Variants in MRS2 observed in about 807,000 individuals in gnomAD.
MRS2 encodes magnesium transporter MRS2 homolog, mitochondrial.
A neutral mutation model predicts 52.6 loss-of-function variants in MRS2; 40 were observed. The ratio of observed to expected loss-of-function variants is 0.76; its 90% confidence interval spans 0.59 to 0.99. MRS2 has a LOEUF of 0.99. MRS2 is among the 50% of genes least tolerant of loss of function. The pLI is 0.00. For synonymous variants in MRS2, 193 were observed against 195.9 expected (o/e 0.98, Z 0.13); for missense variants, 472 against 532.7 (o/e 0.89, Z 1.12).
chr6:24,420,559 A>G (rs1762010979), intron 9 of MRS2, among the ~76,000 whole-genome samples: 1 of 152,196 alleles, frequency 6.6e-6, no homozygotes, highest in Non-Finnish European at 1.5e-5. Flanking sequence ...CGTAGGTTAT[A>G]TTGTAGTGGA....
chr6:24,413,183 C>T (rs905822284), intron 5 of MRS2, among the ~76,000 whole-genome samples: 1 of 151,966 alleles, frequency 6.6e-6, no homozygotes, highest in East Asian at 1.9e-4. Context: ...GTCATGGGCT[C>T]CACAGGCTGG....
rs765137679 is a variant in MRS2 at position 24,418,213 on chromosome 6, T to A, written c.966T>A (p.Ser322Arg). ...ELRVLIDDSQ[S>R]IIFINLDSHR... ...GGGTGCTGATTGATGATTCACAAAG[T>A]ATTATTTTCATTAATCTGGACAGGT... The change falls in exon 8 of 11, where the codon AGT (serine) becomes AGA (arginine). Residue 322 changes from serine (S) to arginine (R), a missense_variant. Ser to Arg is a moderately radical substitution (Grantham distance 110). Transcript: ENST00000378386. The A allele has an allele frequency of 3.7e-6, 6 of 1,611,128 alleles. No homozygotes were observed. Among genetic ancestry groups the A allele is most frequent in the Non-Finnish European group, 4.2e-6 (5 of 1,178,938 alleles).
rs899948199 is a variant in MRS2 at position 24,424,554 on chromosome 6, GTGATATCTTC to G, written c.*862_*871del. 6.6e-6 allele frequency: 1 copy of G among 152,192 alleles called. No individual in the cohort carries two copies. The highest frequency in any genetic ancestry group is 2.4e-5 in the African/African-American group (1 of 41,456). 9.4% of individuals were successfully genotyped at this position (152,192 alleles called of 1,614,324 possible). ...ATGAGGATGAATAAATGTTAGAACT[GTGATATCTTC>G]TCATTTCCACAGAGATTTGGGTTTA... is the stretch of plus-strand genomic sequence containing the variant. On this transcript the variant is annotated 3_prime_UTR_variant, in exon 11 of 11. Transcript: ENST00000378386.
At chr6:24,406,613 A>C (rs1383527728) in intron 2 of MRS2, among the ~76,000 whole-genome samples, 1 of 152,106 alleles carries the variant, frequency 6.6e-6, no homozygotes, top group Non-Finnish European at 1.5e-5. Context: ...GTCTCTACTA[A>C]AAAACAAAAA....
At position 24,423,786 on chromosome 6, in the gene MRS2, C is replaced by T. The variant is rs1762137475; in HGVS notation, c.*92C>T. 4 of 517,176 alleles carry T rather than the reference C, an allele frequency of 7.7e-6. No homozygotes were observed. The highest frequency in any genetic ancestry group is 1.3e-5 in the Non-Finnish European group (4 of 302,022). 32.0% of individuals were successfully genotyped at this position (517,176 alleles called of 1,614,324 possible). On this transcript the variant is annotated 3_prime_UTR_variant, in exon 11 of 11. Coordinates refer to ENST00000378386, the MANE Select transcript of MRS2 (RefSeq NM_020662.4). ...TTATTTTCTTGTATAGAGTCAGACA[C>T]TTGAAAAAAACTAATGTTTGAAGAC...
chr6:24,405,473 A>G (rs1388499442), intron 2 of MRS2, among the ~76,000 whole-genome samples: 1 of 152,202 alleles, frequency 6.6e-6, no homozygotes, highest in African/African-American at 2.4e-5. Context: ...GAACAGGTCA[A>G]TCACAATTCA....
chr6:24,403,300 C>T (rs1761348864), intron 1 of MRS2, 64 bp downstream of exon 1: 3 of 1,421,632 alleles, frequency 2.1e-6, no homozygotes, highest in Non-Finnish European at 2.8e-6. Flanking sequence ...GACTGCTGCC[C>T]CAGCCGTCCG....
intron 3 of MRS2, among the ~76,000 whole-genome samples, chr6:24,409,098 T>C (rs534094754): frequency 3.9e-5 from 6 of 152,146 alleles, no homozygotes; most frequent in Non-Finnish European, 7.4e-5. Flanking sequence ...ATACTGAAGA[T>C]GATGTTGTAG....
chr6:24,415,099 G>T lies in MRS2; in HGVS notation c.655G>T (p.Val219Leu). The T allele has an allele frequency of 1.2e-6, 2 of 1,611,904 alleles. No homozygotes were observed. Among genetic ancestry groups the T allele is most frequent in the East Asian group, 2.2e-5 (1 of 44,842 alleles). Reference sequence around the variant, plus strand: ...GATCCTTGAGACCTTGGATGCTTTGGTGGACCCCAAACATTCTTCTGTAGA... The same window carrying T: ...GATCCTTGAGACCTTGGATGCTTTGTTGGACCCCAAACATTCTTCTGTAGA... ...PLILETLDAL[V>L]DPKHSSVDRS... Residue 219 changes from valine to leucine, a missense_variant, in exon 6 of 11, where the codon GTG becomes TTG. Transcript: ENST00000378386.
At chr6:24,415,615 A>T (rs1383669899) in intron 6 of MRS2, among the ~76,000 whole-genome samples, 1 of 152,234 alleles carries the variant, frequency 6.6e-6, no homozygotes, top group African/African-American at 2.4e-5. Context: ...AAGAATTAAC[A>T]TTTAAAATTC....
At position 24,402,967 on chromosome 6, in the gene MRS2, G is replaced by T; in HGVS notation, c.-80G>T. ...TCTGCAGGTCGGGCGGTAGCGACAG[G>T]TCAGAGCTGCGGCCTGAGCAGCCAG... On this transcript the variant is annotated 5_prime_UTR_variant, in exon 1 of 11. Coordinates refer to ENST00000378386, the MANE Select transcript of MRS2 (RefSeq NM_020662.4). 1 of 1,376,408 alleles carries T rather than the reference G, an allele frequency of 7.3e-7. No homozygotes were observed. The highest frequency in any genetic ancestry group is 1.5e-5 in the African/African-American group (1 of 68,314). The allele number at this position is 1,376,408 out of a possible 1,614,324, so 85.3% of individuals were successfully genotyped here.
rs1762173862 is a variant in MRS2, at chr6:24,424,833, A to G, written c.*1139A>G. 1.3e-5 allele frequency: 2 copies of G among 152,368 alleles called. No homozygotes were observed. Among genetic ancestry groups the G allele is most frequent in the African/African-American group, 4.8e-5 (2 of 41,590 alleles). 9.4% of individuals were successfully genotyped at this position (152,368 alleles called of 1,614,324 possible). ...TACATGATTAGCCTAATGTGATGTC[A>G]TATGAGGAAGTTTAGGAGTCCATTT... On this transcript the variant is annotated 3_prime_UTR_variant, in exon 11 of 11. Coordinates refer to ENST00000378386, the MANE Select transcript of MRS2 (RefSeq NM_020662.4).
At position 24,422,963 on chromosome 6, in the gene MRS2, A is replaced by C; in HGVS notation, c.1134A>C (p.Thr378=). The C allele has an allele frequency of 1.9e-6, 3 of 1,613,926 alleles. No homozygotes were observed. The highest frequency in any genetic ancestry group is 2.5e-6 in the Non-Finnish European group (3 of 1,179,928). The stretch of plus-strand genomic sequence containing the variant: ...ACCATAGAATTTTTTGGCTGATTAC[A>C]GGAATTATGTTCATGGGAAGTGGCC... ...EEDHRIFWLI[T]GIMFMGSGLI... Residue 378 remains threonine (T), a synonymous_variant, in exon 10 of 11, where the codon ACA becomes ACC. Transcript: ENST00000378386.
chr6:24,412,741 C>T (rs553819524), intron 5 of MRS2, among the ~76,000 whole-genome samples: 6 of 152,268 alleles, frequency 3.9e-5, no homozygotes, highest in South Asian at 2.1e-4. Flanking sequence ...ATAGGAATCA[C>T]GCACAGTTCT....
intron 8 of MRS2, 111 bp from the exon 9 acceptor site, chr6:24,418,349 TA>T (rs150886520): frequency 0.015 from 23,047 of 1,505,364 alleles, 143 homozygotes; most frequent in South Asian, 0.04. Flanking sequence ...ACTACATTAT[TA>T]TTATTTTTTT....
chr6:24,412,245 A>G lies in MRS2; in HGVS notation c.438A>G (p.Pro146=). Residue 146 remains proline, a synonymous_variant, in exon 5 of 11, where the codon CCA becomes CCG. Transcript: ENST00000378386. ...AGTATTTGAAAGCTGTGATAACTCC[A>G]GAGTGTCTTCTGATATTAGATTATC... ...RMEYLKAVIT[P]ECLLILDYRN... is the part of the protein sequence containing the mutation. The G allele has an allele frequency of 1.9e-6, 3 of 1,580,320 alleles. No homozygotes were observed. Among genetic ancestry groups the G allele is most frequent in the African/African-American group, 1.4e-5 (1 of 72,958 alleles).
At chr6:24,423,448 CACCACTGGAATAAAT>C (rs1443099674) in intron 10 of MRS2, 121 bp from the exon 11 acceptor site, 9 of 498,642 alleles carry the variant, frequency 1.8e-5, no homozygotes, top group African/African-American at 1.4e-4. Flanking sequence ...TTGAAGATGG[CACCACTGGAATAAAT>C]ACTTAAGACA....
In MRS2 at chr6:24,423,648, G is replaced by C; in HGVS notation, c.1286G>C (p.Arg429Thr). ...DRSMELKNSL[R>T]LDGLGSGRSI... ...AGCATGGAATTGAAAAATAGCCTCA[G>C]ACTGGATGGACTTGGATCAGGAAGG... The change falls in exon 11 of 11, where the codon AGA becomes ACA. Residue 429 changes from arginine to threonine, a missense_variant. By Grantham distance (71) the Arg-to-Thr change is moderately conservative. Transcript: ENST00000378386. 1 of 1,612,772 alleles carries C rather than the reference G, an allele frequency of 6.2e-7. No individual in the cohort carries two copies. The highest frequency in any genetic ancestry group is 8.5e-7 in the Non-Finnish European group (1 of 1,179,050).
chr6:24,406,832 A>G (rs1761491665), intron 2 of MRS2, among the ~76,000 whole-genome samples: 1 of 152,222 alleles, frequency 6.6e-6, no homozygotes, highest in South Asian at 2.1e-4. Context: ...TGCAGGTGAA[A>G]TAATTGCAAA....
Sources: allele counts gnomAD v4.1 joint callset (sites outside exome capture counted in the v4.1 genomes callset), GRCh38; gene constraint gnomAD v4.1.1; transcripts MANE v1.5; gene names NCBI Gene and HGNC (gene_info 2026-07-23, HGNC 2026-07-21).